CRACR2A: variants seen among roughly 807,000 people sequenced by gnomAD.
CRACR2A encodes the protein calcium release activated channel regulator 2A.
Under a neutral mutation model 90.5 loss-of-function variants are expected in CRACR2A, and 79 were observed. The observed-to-expected ratio is 0.87, with a 90% CI of 0.73 to 1.05. The LOEUF (loss-of-function observed/expected upper bound fraction) is 1.05, where lower values mean the gene tolerates loss of function less well. Ranked by LOEUF, CRACR2A falls within the 50% of genes least tolerant of loss-of-function variation. The pLI, the probability that CRACR2A is intolerant of heterozygous loss-of-function variation, is 0.00. For synonymous variants in CRACR2A, 338 were observed against 356.7 expected (o/e 0.95, Z 0.59); for missense variants, 823 against 897.2 (o/e 0.92, Z 1.06).
At chr12:3,706,336 G>A (rs957026076) in intron 3 of CRACR2A, among the ~76,000 whole-genome samples, 1 of 152,222 alleles carries the variant, frequency 6.6e-6, no homozygotes, top group African/African-American at 2.4e-5. Context: ...ACTTGGCACA[G>A]GAGCCAAACC....
chr12:3,646,909 G>C (rs533339081), intron 11 of CRACR2A, among the ~76,000 whole-genome samples: 1 of 152,156 alleles, frequency 6.6e-6, no homozygotes, highest in Non-Finnish European at 1.5e-5. Context: ...CTACTCACAT[G>C]TATCATCTAA....
rs77456556 is a variant in CRACR2A, at chr12:3,634,353, G to A, written c.1603-617C>T. Among the ~76,000 whole-genome samples, 351 of 152,276 alleles carry A rather than the reference G, an allele frequency of 2.3e-3. 3 individuals are homozygous for A. The highest frequency in any genetic ancestry group is 8.1e-3 in the African/African-American group (336 of 41,560). On this transcript the variant is annotated intron_variant, in intron 14 of 19. Transcript: ENST00000440314. ...ATCGAGGCACTGCCATCTTCCTTGG[G>A]TAACTGAGGCACGAGGGTCTCCACT...
intron 1 of CRACR2A, among the ~76,000 whole-genome samples, chr12:3,738,055 T>C (rs16930741): frequency 0.16 from 23,916 of 152,258 alleles, 2,081 homozygotes; most frequent in African/African-American, 0.2. Flanking sequence ...ATGCACTCTT[T>C]AGGGTATTCA....
intron 8 of CRACR2A, among the ~76,000 whole-genome samples, chr12:3,658,288 A>G (rs765958023): frequency 8.6e-5 from 13 of 151,994 alleles, no homozygotes; most frequent in Non-Finnish European, 1.9e-4. Context: ...TCTGACCTAT[A>G]GTCATGGCCC....
chr12:3,722,309 T>A (rs1333057329), intron 2 of CRACR2A, among the ~76,000 whole-genome samples: 2 of 152,224 alleles, frequency 1.3e-5, no homozygotes, highest in Admixed American at 6.5e-5. Flanking sequence ...CCAGGCACTA[T>A]GCTGGGAGCC....
intron 4 of CRACR2A, among the ~76,000 whole-genome samples, chr12:3,695,225 AC>A (rs1344589946): frequency 6.6e-6 from 1 of 152,152 alleles, no homozygotes; most frequent in Non-Finnish European, 1.5e-5. Context: ...TTTTGAAACT[AC>A]TAACACCAAC....
At chr12:3,749,378 T>G (rs968650989) in intron 1 of CRACR2A, among the ~76,000 whole-genome samples, 5 of 152,220 alleles carry the variant, frequency 3.3e-5, no homozygotes, top group Non-Finnish European at 7.3e-5. Flanking sequence ...CCTGGTTATC[T>G]CCCTGCTTCA....
chr12:3,640,928 T>A, intron 13 of CRACR2A: 1 of 905,868 alleles, frequency 1.1e-6, no homozygotes, highest in South Asian at 1.7e-5. Context: ...TAATTAAATA[T>A]AGGTCATGGA....
chr12:3,646,484 G>A (rs1944689779), intron 11 of CRACR2A, among the ~76,000 whole-genome samples: 1 of 152,220 alleles, frequency 6.6e-6, no homozygotes, highest in Non-Finnish European at 1.5e-5. Flanking sequence ...GGGGCCTGAG[G>A]TGTCACCACC....
chr12:3,626,236 G>A (rs1187379911), intron 17 of CRACR2A, among the ~76,000 whole-genome samples: 2 of 152,060 alleles, frequency 1.3e-5, no homozygotes, highest in African/African-American at 4.8e-5. Context: ...CAGAGAAACA[G>A]ATTTGGGTGA....
intron 15 of CRACR2A, among the ~76,000 whole-genome samples, chr12:3,632,297 C>A (rs1477278472): frequency 1.3e-5 from 2 of 152,288 alleles, no homozygotes; most frequent in East Asian, 3.9e-4. Flanking sequence ...AACCTCTTTT[C>A]TTTATAAATT....
chr12:3,617,812 G>T (rs1026857288), intron 18 of CRACR2A, among the ~76,000 whole-genome samples: 2 of 152,222 alleles, frequency 1.3e-5, no homozygotes, highest in Non-Finnish European at 2.9e-5. Context: ...GGGGATGCAG[G>T]CCAGTTGAGT....
At chr12:3,637,615 A>G (rs1380835452) in intron 14 of CRACR2A, among the ~76,000 whole-genome samples, 1 of 151,832 alleles carries the variant, frequency 6.6e-6, no homozygotes, top group African/African-American at 2.4e-5. Context: ...TTTCTGGCTC[A>G]TTACACACAC....
intron 4 of CRACR2A, among the ~76,000 whole-genome samples, chr12:3,691,106 C>G (rs745718603): frequency 6.6e-6 from 1 of 152,168 alleles, no homozygotes; most frequent in East Asian, 1.9e-4. Flanking sequence ...CTTTATCCAG[C>G]TTGTCACTCT....
intron 4 of CRACR2A, among the ~76,000 whole-genome samples, chr12:3,684,167 T>A (rs1408771704): frequency 6.6e-6 from 1 of 152,224 alleles, no homozygotes; most frequent in Non-Finnish European, 1.5e-5. Context: ...ATATCCATTT[T>A]TTATGTCCAG....
rs149339441 is a variant in CRACR2A at position 3,690,966 on chromosome 12, T to C, written c.228+5806A>G. 1.0e-3 allele frequency among the ~76,000 whole-genome samples: 152 copies of C among 152,358 alleles called. 2 individuals carry two copies. The highest frequency in any genetic ancestry group is 3.3e-3 in the African/African-American group (139 of 41,580). On this transcript the variant is annotated intron_variant, in intron 4 of 19. Transcript: ENST00000440314. ...AGTCTGTTTTGTCTGAAATCAGGAT[T>C]GCAACCCCTGCTTTTTTTCTGTTTT...
Position 3,713,258 on chromosome 12 carries a change from G to A in CRACR2A, c.-58C>T, listed in dbSNP as rs1946033132. 1.0e-6 allele frequency: 1 copy of A among 985,370 alleles called. No homozygotes were observed. Among genetic ancestry groups the A allele is most frequent in the Non-Finnish European group, 1.2e-6 (1 of 829,974 alleles). 61.0% of individuals were successfully genotyped at this position (985,370 alleles called of 1,614,324 possible). A position where few individuals can be genotyped will look rare whatever the true frequency, so the allele number is the denominator to read the frequency against. ...TCACCTTGCAGCTCCCGGCTCCTCG[G>A]AGGACCTGCAACTCTTCACACCTGG... is the stretch of plus-strand genomic sequence containing the variant. On this transcript the variant is annotated 5_prime_UTR_variant, in exon 3 of 20. Transcript: ENST00000440314.
chr12:3,750,752 A>G (rs955527836), intron 1 of CRACR2A, among the ~76,000 whole-genome samples: 4 of 152,180 alleles, frequency 2.6e-5, no homozygotes, highest in African/African-American at 9.7e-5. Context: ...AGCTTCTCTC[A>G]GCTGCATTGC....
intron 4 of CRACR2A, among the ~76,000 whole-genome samples, chr12:3,687,519 G>A (rs1480068538): frequency 6.6e-6 from 1 of 152,284 alleles, no homozygotes; most frequent in East Asian, 1.9e-4. Flanking sequence ...TGCTGCAAAA[G>A]ATATGATCTT....
Sources: gnomAD v4.1 joint callset for allele counts (sites outside exome capture counted in the v4.1 genomes callset) on GRCh38, gnomAD v4.1.1 for gene constraint, MANE v1.5 for transcripts, NCBI Gene and HGNC (gene_info 2026-07-23, HGNC 2026-07-21) for gene names.